NCOR2: variants seen among roughly 807,000 people sequenced by gnomAD.
NCOR2 encodes CTG repeat protein 26.
Under a neutral mutation model 262.9 loss-of-function variants are expected in NCOR2, and 81 were observed. The observed-to-expected ratio is 0.31, with a 90% CI of 0.26 to 0.37. NCOR2 has a LOEUF of 0.37. Ranked by LOEUF, NCOR2 falls within the 10% of genes least tolerant of loss-of-function variation. The pLI, the probability that NCOR2 is intolerant of heterozygous loss-of-function variation, is 1.00. For synonymous variants in NCOR2, 1,659 were observed against 1,559.3 expected (o/e 1.06, Z -1.51); for missense variants, 3,385 against 3,621.4 (o/e 0.93, Z 1.68).
At position 124,420,733 on chromosome 12, in the gene NCOR2, C is replaced by T. The variant is rs138756921; in HGVS notation, c.1384-678G>A. Among the ~76,000 whole-genome samples the T allele has an allele frequency of 5.7e-4, 87 of 152,306 alleles. 1 individual carries two copies. The East Asian group carries it at 0.015, about 26-fold the overall frequency. Reference sequence around the variant, plus strand: ...AGTGATGCCACGATGCCCCCACTTGCGGGCATGGAGCCCAGCTTGCCAATG... The same window carrying T: ...AGTGATGCCACGATGCCCCCACTTGTGGGCATGGAGCCCAGCTTGCCAATG... On this transcript the variant is annotated intron_variant, in intron 12 of 46. Coordinates refer to ENST00000405201, the Ensembl canonical transcript of NCOR2.
At chr12:124,429,314 G>C (rs982503326) in intron 10 of NCOR2, 25 of 423,940 alleles carry the variant, frequency 5.9e-5, no homozygotes, top group African/African-American at 4.2e-4. Context: ...AGAGTGAGAG[G>C]CAGGGTCCTC....
chr12:124,431,358 C>T (rs1331955086), intron 8 of NCOR2, among the ~76,000 whole-genome samples: 1 of 151,430 alleles, frequency 6.6e-6, no homozygotes, highest in Non-Finnish European at 1.5e-5. Context: ...ACACAGTAGA[C>T]ACACAGTCAC....
chr12:124,451,840 C>A (rs938482319), intron 6 of NCOR2, among the ~76,000 whole-genome samples: 12 of 151,478 alleles, frequency 7.9e-5, no homozygotes, highest in Non-Finnish European at 4.4e-5. Context: ...GCCACCCAGA[C>A]CCCCGCCCAC....
At position 124,495,067 on chromosome 12, in the gene NCOR2, AAAGG is replaced by A. The variant is rs2048311486; in HGVS notation, c.105+76_105+79del. 6.6e-7 allele frequency: 1 copy of A among 1,525,754 alleles called. No homozygotes were observed. The highest frequency in any genetic ancestry group is 8.9e-7 in the Non-Finnish European group (1 of 1,128,058). The allele number at this position is 1,525,754 out of a possible 1,614,324, so 94.5% of individuals were successfully genotyped here. ...GCCACATGAGCCTGGCTCCCAGGAG[AAAGG>A]AAGGGGTGAAGACTCAGTGGAATGG... On this transcript the variant is annotated intron_variant, in intron 1 of 46. Transcript: ENST00000405201. The surrounding 1 kb of genome is among the most constrained non-coding windows in gnomAD (Gnocchi z 4.4).
intron 20 of NCOR2, among the ~76,000 whole-genome samples, chr12:124,369,679 C>T (rs2039331967): frequency 2.0e-5 from 3 of 152,292 alleles, no homozygotes; most frequent in Admixed American, 1.3e-4. Flanking sequence ...GCCCCAAGGG[C>T]GGGGGCCTGG....
chr12:124,444,479 G>A (rs1437469041), intron 7 of NCOR2, among the ~76,000 whole-genome samples: 3 of 152,176 alleles, frequency 2.0e-5, no homozygotes, highest in African/African-American at 7.2e-5. Context: ...GGTTTATGGG[G>A]TACTGGAAAA....
chr12:124,376,984 G>C (rs1416245448), intron 18 of NCOR2, among the ~76,000 whole-genome samples: 1 of 152,210 alleles, frequency 6.6e-6, no homozygotes, highest in East Asian at 1.9e-4. Flanking sequence ...ACGCCACAGG[G>C]GGAGCAGTCT....
chr12:124,466,314 T>G, intron 4 of NCOR2, 28 bp from the exon 7 acceptor site: 1 of 1,591,202 alleles, frequency 6.3e-7, no homozygotes, highest in Non-Finnish European at 8.5e-7. Context: ...ACGTGAGGGA[T>G]GAGCACCCCA....
chr12:124,424,826 C>T (rs1354298637), intron 11 of NCOR2, among the ~76,000 whole-genome samples: 3 of 152,200 alleles, frequency 2.0e-5, no homozygotes, highest in Non-Finnish European at 2.9e-5. Context: ...GCCGGGTGAA[C>T]GTCGGGCAGT....
At chr12:124,348,090 T>A in intron 29 of NCOR2, 84 bp downstream of exon 31, 3 of 1,584,682 alleles carry the variant, frequency 1.9e-6, no homozygotes, top group Non-Finnish European at 2.6e-6. Flanking sequence ...CAGCCTCGGT[T>A]TCCCCATCTG....
chr12:124,340,304 G>A, exon 36 of NCOR2: 1 of 1,611,684 alleles, frequency 6.2e-7, no homozygotes, highest in Non-Finnish European at 8.5e-7. Flanking sequence ...CAGGTCTCCA[G>A]ATGGGTGCGT....
intron 23 of NCOR2, 94 bp from the exon 26 acceptor site, chr12:124,355,665 C>T (rs2037891038): frequency 6.9e-7 from 1 of 1,441,066 alleles, no homozygotes; most frequent in African/African-American, 1.4e-5. Context: ...CTTCCCTGTC[C>T]TGGCCAGGAA....
Position 124,503,803 on chromosome 12 carries a change from A to G in NCOR2, c.-117-8435T>C, listed in dbSNP as rs1043377593. 3.9e-5 allele frequency among the ~76,000 whole-genome samples: 6 copies of G among 152,234 alleles called. No homozygotes were observed. The highest frequency in any genetic ancestry group is 1.2e-4 in the African/African-American group (5 of 41,546). On this transcript the variant is annotated intron_variant, in intron 1 of 46. Coordinates refer to the NCOR2 transcript ENST00000404621. This position sits in a 1 kb window ranked among gnomAD's most constrained non-coding sequence, Gnocchi z 4.3. ...GGGCGGATGGATGCACACACTCATC[A>G]CCAGATGGGTATCAACTTAGCTGCT... is the stretch of plus-strand genomic sequence containing the variant.
chr12:124,407,201 A>C (rs1244054), intron 13 of NCOR2, among the ~76,000 whole-genome samples: 147,495 of 152,334 alleles, frequency 0.97, 71,580 homozygotes, highest in East Asian at 1. Flanking sequence ...CACCAGCCAC[A>C]GAAAGATGTG....
chr12:124,498,785 C>T (rs951834387), upstream of NCOR2, among the ~76,000 whole-genome samples: 5 of 152,200 alleles, frequency 3.3e-5, no homozygotes, highest in East Asian at 1.9e-4. Flanking sequence ...TCCATCCCTA[C>T]GATGGAGTAT....
Position 124,483,948 on chromosome 12 carries a change from A to G in NCOR2, c.234-175T>C, listed in dbSNP as rs1374040789. 1.3e-5 allele frequency among the ~76,000 whole-genome samples: 2 copies of G among 152,126 alleles called. No individual in the cohort carries two copies. On this transcript the variant is annotated intron_variant, in intron 2 of 46. Coordinates refer to ENST00000405201, the Ensembl canonical transcript of NCOR2. The surrounding 1 kb of genome is among the most constrained non-coding windows in gnomAD (Gnocchi z 6.3). ...GGTCCCACAGCAGGGCAGGACTCCA[A>G]TGCAGCGCTGCCTTCCTTCAGGTCC... is the stretch of plus-strand genomic sequence containing the variant.
chr12:124,379,515 TG>T (rs1593289097), intron 17 of NCOR2, among the ~76,000 whole-genome samples: 2 of 152,116 alleles, frequency 1.3e-5, no homozygotes, highest in East Asian at 3.9e-4. Context: ...TCGAAGTGAC[TG>T]GGGACTCCCA....
chr12:124,543,546 A>G (rs1167095847), intron 1 of NCOR2, among the ~76,000 whole-genome samples: 2 of 152,214 alleles, frequency 1.3e-5, no homozygotes, highest in African/African-American at 2.4e-5. Flanking sequence ...CCACCCCGAC[A>G]GCGCCGTGGA....
upstream of NCOR2, among the ~76,000 whole-genome samples, chr12:124,499,964 ACT>A (rs773336896): frequency 1.6e-4 from 25 of 151,982 alleles, no homozygotes; most frequent in South Asian, 4.2e-4. Flanking sequence ...AGGGAGGCTG[ACT>A]CTGCAGGCCG....
Sources: gnomAD v4.1 joint callset for allele counts (sites outside exome capture counted in the v4.1 genomes callset) on GRCh38, gnomAD v4.1.1 for gene constraint, Gnocchi (gnomAD v3.1) non-coding constraint, MANE v1.5 for transcripts, NCBI Gene and HGNC (gene_info 2026-07-23, HGNC 2026-07-21) for gene names.